ETS1: variants seen among roughly 807,000 people sequenced by gnomAD.
ETS1 encodes the protein ETS proto-oncogene 1, transcription factor, also known as protein C-ets-1.
Under a neutral mutation model 58.6 loss-of-function variants are expected in ETS1, and 15 were observed. The observed-to-expected ratio is 0.26, with a 90% CI of 0.17 to 0.39. The LOEUF (loss-of-function observed/expected upper bound fraction) is 0.39, where lower values mean the gene tolerates loss of function less well. Among genes scored for constraint, ETS1 ranks in the 10% least tolerant of loss-of-function variants. The pLI, the probability that ETS1 is intolerant of heterozygous loss-of-function variation, is 1.00. For missense variants in ETS1, 417 were observed against 610.5 expected, an observed-to-expected ratio of 0.68 and a Z score of 3.34; for synonymous variants, 214 against 218.2, an observed-to-expected ratio of 0.98 and a Z score of 0.17.
At chr11:128,474,683 A>G (rs1862274818) in intron 8 of ETS1, among the ~76,000 whole-genome samples, 1 of 152,194 alleles carries the variant, frequency 6.6e-6, no homozygotes, top group Non-Finnish European at 1.5e-5. Flanking sequence ...TTTAGGATCC[A>G]CTGCTAAACC....
chr11:128,536,634 C>A (rs4245077), intron 3 of ETS1: 152,153 of 152,350 alleles, frequency 1, 75,978 homozygotes, highest in East Asian at 1. Flanking sequence ...GGCATAACAG[C>A]CAAATCAAGA....
chr11:128,585,032 A>AAG (rs1555092978), intron 1 of ETS1, among the ~76,000 whole-genome samples: 2 of 11,444 alleles, frequency 1.7e-4, no homozygotes, highest in East Asian at 3.0e-3. Flanking sequence ...AGAAAGAAAG[A>AAG]AAAGAAAGAA....
At chr11:128,574,326 T>TCTTCCA (rs1159199107) in intron 1 of ETS1, among the ~76,000 whole-genome samples, 1 of 152,252 alleles carries the variant, frequency 6.6e-6, no homozygotes, top group Non-Finnish European at 1.5e-5. Flanking sequence ...TTATGTCTTT[T>TCTTCCA]CTTCCAGATG....
intron 3 of ETS1, chr11:128,527,500 T>C (rs907139504): frequency 1.9e-5 from 3 of 154,686 alleles, no homozygotes; most frequent in South Asian, 2.0e-4. Context: ...AGGCTGAGCA[T>C]GTTGCCTGGA....
At chr11:128,467,868 A>C (rs998701071) in intron 8 of ETS1, among the ~76,000 whole-genome samples, 4 of 152,064 alleles carry the variant, frequency 2.6e-5, no homozygotes, top group Non-Finnish European at 4.4e-5. Context: ...TTCCAGAGCC[A>C]TGCGGGCGGG....
intron 2 of ETS1, 78 bp from the exon 3 acceptor site, chr11:128,556,513 A>T: frequency 1.1e-6 from 1 of 937,100 alleles, no homozygotes. Context: ...ATGACTTCAT[A>T]TTATCCAATC....
Position 128,462,428 on chromosome 11 carries a change from C to G in ETS1, c.1391G>C (p.Ser464Thr), listed in dbSNP as rs760985718. 2.5e-6 allele frequency: 4 copies of G among 1,614,088 alleles called. No individual in the cohort carries two copies. The highest frequency in any genetic ancestry group is 3.4e-6 in the Non-Finnish European group (4 of 1,180,044). ...CTCCTCAGGGGTGTACCCCAGCAGG[C>G]TCTGCAGGTCACACACAAAGCGGTA... Reference protein sequence around the residue: ...YVYRFVCDLQSLLGYTPEELH... With the variant: ...YVYRFVCDLQTLLGYTPEELH... The change falls in exon 10 of 10, where the codon AGC becomes ACC. Residue 464 changes from serine (S) to threonine (T), a missense_variant. Coordinates refer to ENST00000392668, the MANE Select transcript of ETS1 (RefSeq NM_001143820.2).
At chr11:128,504,901 C>T (rs1479435790) in intron 3 of ETS1, 1 of 152,176 alleles carries the variant, frequency 6.6e-6, no homozygotes, top group Non-Finnish European at 1.5e-5. Context: ...TGATGCTATC[C>T]ACTCCTATTT....
intron 2 of ETS1, among the ~76,000 whole-genome samples, chr11:128,558,263 G>A (rs1311741620): frequency 1.3e-5 from 2 of 152,322 alleles, no homozygotes; most frequent in East Asian, 1.9e-4. Flanking sequence ...CTGTGAAAAT[G>A]TACAATGGCA....
chr11:128,525,171 A>C (rs1863776118), intron 3 of ETS1, among the ~76,000 whole-genome samples: 1 of 152,120 alleles, frequency 6.6e-6, no homozygotes, highest in Non-Finnish European at 1.5e-5. Context: ...CCAAGTGCTG[A>C]ATTGCCTTAC....
intron 3 of ETS1, among the ~76,000 whole-genome samples, chr11:128,545,305 G>A (rs149143365): frequency 2.6e-5 from 4 of 152,276 alleles, no homozygotes; most frequent in East Asian, 3.8e-4. Flanking sequence ...AAAGTTTATC[G>A]ATTCTTATCC....
chr11:128,467,456 G>A (rs1007098815), intron 8 of ETS1, among the ~76,000 whole-genome samples: 3 of 152,054 alleles, frequency 2.0e-5, no homozygotes, highest in Admixed American at 6.5e-5. Context: ...GCGGAGGTCT[G>A]CCCAAATCCA....
intron 1 of ETS1, among the ~76,000 whole-genome samples, chr11:128,585,366 T>A (rs917135768): frequency 8.1e-6 from 1 of 122,874 alleles, no homozygotes; most frequent in Admixed American, 7.9e-5. Context: ...GAAGGAAGGG[T>A]CCCAGCTCGT....
chr11:128,489,227 C>A (rs984121619), intron 5 of ETS1, 63 bp downstream of exon 5: 24 of 1,432,362 alleles, frequency 1.7e-5, no homozygotes, highest in East Asian at 6.8e-5. Context: ...TTGGGTGAGC[C>A]CCCTACCTAC....
At chr11:128,509,895 G>C (rs147909383) in intron 3 of ETS1, among the ~76,000 whole-genome samples, 13 of 150,450 alleles carry the variant, frequency 8.6e-5, no homozygotes, top group Admixed American at 7.9e-4. Flanking sequence ...AACCTCAAAG[G>C]GTTGTTTAAA....
At chr11:128,483,981 A>G (rs538442520) in intron 7 of ETS1, among the ~76,000 whole-genome samples, 20 of 152,160 alleles carry the variant, frequency 1.3e-4, no homozygotes, top group African/African-American at 3.9e-4. Context: ...AAATAGACAA[A>G]CCCTTTCTTA....
Position 128,570,130 on chromosome 11 carries a change from C to T in ETS1, c.69+2932G>A, listed in dbSNP as rs373787036. 4.1e-4 allele frequency among the ~76,000 whole-genome samples: 63 copies of T among 152,062 alleles called. No homozygotes were observed. The East Asian group carries it at 5.2e-3, about 13-fold the overall frequency. ...TTTTGAGATACCCTGCCTAGGATGA[C>T]ATTATATTATATCTGCAACTTTTAT... is the stretch of plus-strand genomic sequence containing the variant. On this transcript the variant is annotated intron_variant, in intron 2 of 9. Coordinates refer to ENST00000392668, the MANE Select transcript of ETS1 (RefSeq NM_001143820.2).
chr11:128,546,047 A>T (rs4129229), intron 3 of ETS1, among the ~76,000 whole-genome samples: 36,047 of 152,108 alleles, frequency 0.24, 5,359 homozygotes, highest in Non-Finnish European at 0.33. Flanking sequence ...CCAAAATTCA[A>T]CCAGTGAACA....
chr11:128,521,859 A>AC, intron 3 of ETS1: 1 of 1,469,318 alleles, frequency 6.8e-7, no homozygotes, highest in African/African-American at 1.4e-5. Flanking sequence ...AGTCCAGGGG[A>AC]CCCCCGGCCT....
Sources: allele counts gnomAD v4.1 joint callset (sites outside exome capture counted in the v4.1 genomes callset), GRCh38; gene constraint gnomAD v4.1.1; transcripts MANE v1.5; gene names NCBI Gene and HGNC (gene_info 2026-07-23, HGNC 2026-07-21).